TEX14: variants seen among roughly 807,000 people sequenced by gnomAD.
TEX14 encodes the protein testis expressed 14, intercellular bridge forming factor.
In TEX14, 168 loss-of-function variants were observed where a neutral mutation model predicts 178.6. That is an observed-to-expected ratio of 0.94 (90% CI 0.83 to 1.07). The LOEUF is 1.07. Among genes scored for constraint, TEX14 ranks in the 50% least tolerant of loss-of-function variants. The pLI is 0.00. For missense variants in TEX14, 1,730 were observed against 1,753.6 expected (o/e 0.99, Z 0.24); for synonymous variants, 626 against 634.1 (o/e 0.99, Z 0.19).
intron 1 of TEX14, among the ~76,000 whole-genome samples, chr17:58,662,538 A>C (rs1006534350): frequency 6.6e-6 from 1 of 152,108 alleles, no homozygotes; most frequent in African/African-American, 2.4e-5. Context: ...CCCTCAGTAC[A>C]GAATGTTATT....
chr17:58,581,084 G>A (rs113886077), intron 19 of TEX14, among the ~76,000 whole-genome samples: 7 of 152,230 alleles, frequency 4.6e-5, no homozygotes, highest in African/African-American at 7.2e-5. Flanking sequence ...AGGCCGAGGC[G>A]GGCGGATCAC....
chr17:58,641,351 G>A (rs56333328), intron 2 of TEX14, among the ~76,000 whole-genome samples: 2 of 151,776 alleles, frequency 1.3e-5, no homozygotes, highest in African/African-American at 4.8e-5. Context: ...AGGAGGTTGC[G>A]ATGAGCCAAG....
chr17:58,581,098 T>C (rs889475719), intron 19 of TEX14, among the ~76,000 whole-genome samples: 27 of 151,606 alleles, frequency 1.8e-4, no homozygotes, highest in Non-Finnish European at 3.1e-4. Context: ...GGATCACGAG[T>C]TCAGGAGTTT....
chr17:58,654,228 G>A (rs1190809107), intron 1 of TEX14, among the ~76,000 whole-genome samples: 1 of 152,036 alleles, frequency 6.6e-6, no homozygotes, highest in East Asian at 1.9e-4. Flanking sequence ...AGTACTACAA[G>A]GGCTGGAATG....
chr17:58,579,569 G>C, intron 20 of TEX14, 96 bp downstream of exon 20: 1 of 1,023,846 alleles, frequency 9.8e-7, no homozygotes, highest in Admixed American at 1.9e-5. Flanking sequence ...GGACGAGGCT[G>C]TCCCTCAGGA....
chr17:58,631,737 G>GT (rs2046310633), intron 2 of TEX14: 1 of 144,424 alleles, frequency 6.9e-6, no homozygotes, highest in Non-Finnish European at 1.6e-5. Flanking sequence ...ACTCGTGAGA[G>GT]AACACAAATA....
intron 28 of TEX14, among the ~76,000 whole-genome samples, chr17:58,563,621 TTATATATATA>T (rs3034889): frequency 0.074 from 3,419 of 46,412 alleles, 139 homozygotes; most frequent in African/African-American, 0.12. Context: ...CATCTCTAAT[TTATATATATA>T]TATATATATA....
At chr17:58,643,094 A>T (rs1303581263) in intron 2 of TEX14, among the ~76,000 whole-genome samples, 1 of 152,228 alleles carries the variant, frequency 6.6e-6, no homozygotes, top group East Asian at 1.9e-4. Context: ...ATGCTGACTA[A>T]CTGAATGAAT....
chr17:58,559,571 A>G lies in TEX14; in HGVS notation c.4158-9T>C. 7.2e-7 allele frequency: 1 copy of G among 1,380,532 alleles called. No individual in the cohort carries two copies. Among genetic ancestry groups the G allele is most frequent in the Non-Finnish European group, 1.0e-6 (1 of 971,278 alleles). 85.5% of individuals were successfully genotyped at this position (1,380,532 alleles called of 1,614,324 possible). ...CTTTGATATTTGTCTCCCTGTAACAACAATTATTTGGGGAATCAAAACGTA... is the reference window on the plus strand; with the variant it reads ...CTTTGATATTTGTCTCCCTGTAACAGCAATTATTTGGGGAATCAAAACGTA... On this transcript the variant is annotated splice_polypyrimidine_tract_variant and intron_variant, in intron 29 of 31. Coordinates refer to ENST00000349033, the MANE Select transcript of TEX14 (RefSeq NM_031272.5).
chr17:58,572,175 C>T, intron 23 of TEX14, 49 bp from the exon 24 acceptor site: 1 of 1,393,900 alleles, frequency 7.2e-7, no homozygotes. Flanking sequence ...TATATTATTT[C>T]TCCTTTTTTC....
chr17:58,575,543 T>C (rs1021658136), intron 21 of TEX14, among the ~76,000 whole-genome samples: 1 of 152,200 alleles, frequency 6.6e-6, no homozygotes, highest in African/African-American at 2.4e-5. Flanking sequence ...TTCTAAATAA[T>C]ACAACAGGAC....
Position 58,577,368 on chromosome 17 carries a change from C to A in TEX14, c.3320+7G>T. The A allele has an allele frequency of 2.3e-6, 3 of 1,289,102 alleles. No homozygotes were observed. The highest frequency in any genetic ancestry group is 3.2e-6 in the Non-Finnish European group (3 of 943,322). The allele number at this position is 1,289,102 out of a possible 1,614,324, so 79.9% of individuals were successfully genotyped here. A position where few individuals can be genotyped will look rare whatever the true frequency, so the allele number is the denominator to read the frequency against. Reference sequence around the variant, plus strand: ...TTGAAACTGCATAAGATAATAATAGCCCATACCTTCGTACAGGTTGAAATT... The same window carrying A: ...TTGAAACTGCATAAGATAATAATAGACCATACCTTCGTACAGGTTGAAATT... On this transcript the variant is annotated splice_region_variant and intron_variant, in intron 21 of 31. Coordinates refer to ENST00000349033, the MANE Select transcript of TEX14 (RefSeq NM_031272.5).
chr17:58,631,836 T>A (rs75226061), intron 2 of TEX14: 29 of 152,184 alleles, frequency 1.9e-4, no homozygotes, highest in African/African-American at 6.5e-4. Flanking sequence ...AATATAGTCT[T>A]AATGTCCATT....
intron 15 of TEX14, among the ~76,000 whole-genome samples, chr17:58,592,585 T>C (rs556667677): frequency 2.0e-5 from 3 of 151,558 alleles, no homozygotes; most frequent in Non-Finnish European, 4.4e-5. Flanking sequence ...CTGCCTGCCT[T>C]GGCCTCCCAA....
At chr17:58,659,291 C>G (rs956621297) in intron 1 of TEX14, 8 of 961,330 alleles carry the variant, frequency 8.3e-6, no homozygotes, top group East Asian at 1.1e-4. Context: ...CGTCTCTCCC[C>G]CGCCACAAAG....
At chr17:58,683,336 G>GCACT (rs1280173611) in intron 1 of TEX14, among the ~76,000 whole-genome samples, 81 of 150,472 alleles carry the variant, frequency 5.4e-4, no homozygotes, top group African/African-American at 1.9e-3. Context: ...TCACACCACT[G>GCACT]CACTCCAGCC....
At chr17:58,639,930 C>A (rs1397832879) in intron 2 of TEX14, among the ~76,000 whole-genome samples, 1 of 152,150 alleles carries the variant, frequency 6.6e-6, no homozygotes, top group Non-Finnish European at 1.5e-5. Flanking sequence ...CCAGTTCACA[C>A]TTCTTAAATT....
intron 1 of TEX14, chr17:58,675,230 C>T (rs1250683641): frequency 2.6e-5 from 4 of 151,846 alleles, no homozygotes; most frequent in African/African-American, 9.7e-5. Flanking sequence ...AAATCAAAAT[C>T]ACCATGAAAT....
intron 1 of TEX14, among the ~76,000 whole-genome samples, chr17:58,652,943 T>C (rs559177643): frequency 5.3e-5 from 8 of 152,210 alleles, no homozygotes; most frequent in Non-Finnish European, 1.2e-4. Context: ...TGAGAGTTTC[T>C]TTTTTTGTGT....
Sources: gnomAD v4.1 joint callset for allele counts (sites outside exome capture counted in the v4.1 genomes callset) on GRCh38, gnomAD v4.1.1 for gene constraint, MANE v1.5 for transcripts, NCBI Gene and HGNC (gene_info 2026-07-23, HGNC 2026-07-21) for gene names.